FSHR: variants seen among roughly 807,000 people sequenced by gnomAD.
FSHR encodes follicle stimulating hormone receptor, also known as follicle-stimulating hormone receptor.
FSHR carries 46 observed loss-of-function variants against 52.1 expected under a neutral mutation model. The observed-to-expected ratio is 0.88, with a 90% CI of 0.70 to 1.13. The LOEUF is 1.13. Ranked by LOEUF, FSHR falls within the 50% of genes most tolerant of loss-of-function variation. The pLI, the probability that FSHR is intolerant of heterozygous loss-of-function variation, is 0.00. For synonymous variants in FSHR, 399 were observed against 309.6 expected, an observed-to-expected ratio of 1.29 and a Z score of -3.03; for missense variants, 964 against 834.6, an observed-to-expected ratio of 1.16 and a Z score of -1.91.
intron 1 of FSHR, 25 bp from the exon 2 acceptor site, chr2:49,068,315 A>G: frequency 6.4e-7 from 1 of 1,570,004 alleles, no homozygotes; most frequent in Non-Finnish European, 8.8e-7. Context: ...GAAATAAAAT[A>G]TCACAACCTA....
intron 1 of FSHR, among the ~76,000 whole-genome samples, chr2:49,070,400 C>T (rs1335652548): frequency 1.3e-5 from 2 of 152,088 alleles, no homozygotes; most frequent in Non-Finnish European, 2.9e-5. Context: ...CAACACCCTA[C>T]CTTAATTGTA....
At chr2:48,998,257 G>T (rs753935256) in intron 4 of FSHR, among the ~76,000 whole-genome samples, 1 of 151,818 alleles carries the variant, frequency 6.6e-6, no homozygotes, top group Non-Finnish European at 1.5e-5. Flanking sequence ...TTAAGTGAAA[G>T]GTGGTATATT....
chr2:49,153,626 ATAGT>A (rs879230215), intron 1 of FSHR, among the ~76,000 whole-genome samples: 6 of 152,182 alleles, frequency 3.9e-5, no homozygotes, highest in Admixed American at 2.6e-4. Context: ...TCCTGTTAAA[ATAGT>A]TAAGTAAATT....
At chr2:49,109,563 G>A (rs1038362702) in intron 1 of FSHR, among the ~76,000 whole-genome samples, 14 of 152,200 alleles carry the variant, frequency 9.2e-5, no homozygotes, top group African/African-American at 2.4e-4. Flanking sequence ...AAGGGGAGTG[G>A]ACTGGGGGGA....
intron 1 of FSHR, among the ~76,000 whole-genome samples, chr2:49,111,466 C>T (rs759607581): frequency 3.3e-5 from 5 of 152,014 alleles, no homozygotes; most frequent in Non-Finnish European, 5.9e-5. Context: ...TCCAGCGGGC[C>T]GAGGAAAGTA....
intron 8 of FSHR, among the ~76,000 whole-genome samples, chr2:48,982,683 G>A (rs1675305263): frequency 6.6e-6 from 1 of 152,224 alleles, no homozygotes; most frequent in Non-Finnish European, 1.5e-5. Context: ...AACGCCATCT[G>A]ACACTCTGTA....
intron 8 of FSHR, among the ~76,000 whole-genome samples, chr2:48,972,076 T>A (rs1559081152): frequency 6.6e-6 from 1 of 152,232 alleles, no homozygotes; most frequent in East Asian, 1.9e-4. Context: ...TGCCTCCTTA[T>A]AATCTCCACT....
At chr2:49,049,397 A>G (rs943775444) in intron 2 of FSHR, among the ~76,000 whole-genome samples, 6 of 152,148 alleles carry the variant, frequency 3.9e-5, no homozygotes, top group Non-Finnish European at 7.3e-5. Context: ...CAAGTCAGAA[A>G]TGCCTTGAGT....
intron 4 of FSHR, among the ~76,000 whole-genome samples, chr2:48,994,826 T>A (rs1346309973): frequency 1.3e-5 from 2 of 152,180 alleles, no homozygotes; most frequent in Non-Finnish European, 2.9e-5. Flanking sequence ...GAAAGGTAAC[T>A]GACTCAGAGT....
chr2:49,126,323 G>A (rs1299649418), intron 1 of FSHR, among the ~76,000 whole-genome samples: 1 of 12,876 alleles, frequency 7.8e-5, no homozygotes, highest in Non-Finnish European at 1.1e-4. Flanking sequence ...ACAAAAGGAA[G>A]AGGGGGGGAG....
chr2:49,037,596 G>A (rs1331884264), intron 2 of FSHR, among the ~76,000 whole-genome samples: 1 of 151,838 alleles, frequency 6.6e-6, no homozygotes, highest in Admixed American at 6.6e-5. Flanking sequence ...AAGAAGAACA[G>A]ATTTTAAAAA....
intron 1 of FSHR, among the ~76,000 whole-genome samples, chr2:49,143,264 G>A (rs1169126270): frequency 1.3e-5 from 2 of 152,110 alleles, no homozygotes; most frequent in African/African-American, 4.8e-5. Context: ...GACACTGAAA[G>A]TCAAAAAAGG....
At chr2:49,074,449 A>G (rs1421120348) in intron 1 of FSHR, among the ~76,000 whole-genome samples, 1 of 152,188 alleles carries the variant, frequency 6.6e-6, no homozygotes, top group Non-Finnish European at 1.5e-5. Flanking sequence ...GAAAATTCAA[A>G]TTAAAACCAC....
chr2:48,985,160 C>T (rs1382605496), intron 6 of FSHR, among the ~76,000 whole-genome samples: 1 of 152,146 alleles, frequency 6.6e-6, no homozygotes, highest in Non-Finnish European at 1.5e-5. Flanking sequence ...GGCAGAACAT[C>T]AACTAAGGAG....
intron 4 of FSHR, among the ~76,000 whole-genome samples, chr2:49,010,702 C>T (rs1167966329): frequency 6.6e-6 from 1 of 151,952 alleles, no homozygotes; most frequent in Non-Finnish European, 1.5e-5. Flanking sequence ...GCCACAATTT[C>T]AGATCCTGTT....
At chr2:49,067,147 G>A (rs1669535881) in intron 2 of FSHR, among the ~76,000 whole-genome samples, 1 of 151,970 alleles carries the variant, frequency 6.6e-6, no homozygotes, top group South Asian at 2.1e-4. Flanking sequence ...AGGAAACCAG[G>A]GCCCTGAAAG....
chr2:49,106,355 AAG>A (rs61382948), intron 1 of FSHR, among the ~76,000 whole-genome samples: 2,388 of 152,070 alleles, frequency 0.016, 46 homozygotes, highest in African/African-American at 0.054. Flanking sequence ...AAGAAAGAAA[AAG>A]AGAGAGAGAG....
intron 4 of FSHR, among the ~76,000 whole-genome samples, chr2:49,010,437 T>G (rs1667227240): frequency 1.3e-5 from 2 of 152,206 alleles, no homozygotes; most frequent in South Asian, 4.1e-4. Context: ...TGCCAGTATT[T>G]TATTGAAGAT....
intron 2 of FSHR, among the ~76,000 whole-genome samples, chr2:49,054,832 C>T (rs543367781): frequency 6.6e-6 from 1 of 152,148 alleles, no homozygotes; most frequent in Admixed American, 6.5e-5. Context: ...CCACCTAGAA[C>T]AAAAGTCAAA....
Sources: gnomAD v4.1 joint callset for allele counts (sites outside exome capture counted in the v4.1 genomes callset) on GRCh38, gnomAD v4.1.1 for gene constraint, MANE v1.5 for transcripts, NCBI Gene and HGNC (gene_info 2026-07-23, HGNC 2026-07-21) for gene names.